Variants in POLH observed in about 807,000 individuals in gnomAD.
The protein encoded by POLH is DNA polymerase eta transcript.
A neutral mutation model predicts 73.6 loss-of-function variants in POLH; 53 were observed. The observed-to-expected ratio is 0.72, with a 90% CI of 0.58 to 0.91. The LOEUF (loss-of-function observed/expected upper bound fraction) is 0.91. POLH is among the 40% of genes least tolerant of loss of function. POLH has a pLI of 0.00. For synonymous variants in POLH, 292 were observed against 308.5 expected, an observed-to-expected ratio of 0.95 and a Z score of 0.56; for missense variants, 768 against 865.4, an observed-to-expected ratio of 0.89 and a Z score of 1.41.
At chr6:43,604,964 TGGAAAGCC>T (rs907026895) in intron 8 of POLH, among the ~76,000 whole-genome samples, 9 of 152,232 alleles carry the variant, frequency 5.9e-5, no homozygotes, top group Admixed American at 4.6e-4. Context: ...GATGGAGACT[TGGAAAGCC>T]TAGGATATTA....
intron 4 of POLH, among the ~76,000 whole-genome samples, chr6:43,596,507 C>T (rs1224608149): frequency 6.6e-6 from 1 of 151,578 alleles, no homozygotes; most frequent in African/African-American, 2.4e-5. Context: ...AAAGAAAAAA[C>T]CTGAATAAAA....
chr6:43,614,084 T>C lies in POLH; in HGVS notation c.1669T>C (p.Trp557Arg). The C allele has an allele frequency of 6.2e-7, 1 of 1,614,186 alleles. No individual in the cohort carries two copies. Among genetic ancestry groups the C allele is most frequent in the Non-Finnish European group, 8.5e-7 (1 of 1,180,018 alleles). ...AGTTTCTTCCCCCCAACAAAACCCA[T>C]GGTCCAACTGTAAAGCATTACCAAA... ...SSVSSPQQNP[W>R]SNCKALPNSL... is the part of the protein sequence containing the mutation. The change falls in exon 11 of 11, where the codon TGG (tryptophan) becomes CGG (arginine). Residue 557 changes from tryptophan (W) to arginine (R), a missense_variant. Transcript: ENST00000372236.
intron 10 of POLH, among the ~76,000 whole-genome samples, chr6:43,611,713 G>T (rs1767897827): frequency 6.6e-6 from 1 of 151,928 alleles, no homozygotes; most frequent in Non-Finnish European, 1.5e-5. Flanking sequence ...TAAATATATT[G>T]GCAGTATAAT....
chr6:43,588,165 A>G (rs1201119334), intron 4 of POLH: 1 of 159,388 alleles, frequency 6.3e-6, no homozygotes, highest in Non-Finnish European at 1.4e-5. Flanking sequence ...GGCCTCAGGT[A>G]TAGGGAGTTG....
chr6:43,576,890 T>A (rs950210091), intron 1 of POLH, among the ~76,000 whole-genome samples: 2 of 152,208 alleles, frequency 1.3e-5, no homozygotes, highest in Non-Finnish European at 2.9e-5. Flanking sequence ...GCGCGGTGGC[T>A]CACGCCTGTA....
At chr6:43,608,829 T>C (rs1271603809) in intron 9 of POLH, among the ~76,000 whole-genome samples, 1 of 152,228 alleles carries the variant, frequency 6.6e-6, no homozygotes, top group African/African-American at 2.4e-5. Context: ...GTGGTTTCCC[T>C]TCACACTTAA....
chr6:43,591,621 ATT>A (rs371822062), intron 4 of POLH, among the ~76,000 whole-genome samples: 54 of 143,608 alleles, frequency 3.8e-4, no homozygotes, highest in East Asian at 1.9e-3. Context: ...ACCCAGCCTG[ATT>A]TTTTTTTTTT....
intron 5 of POLH, among the ~76,000 whole-genome samples, chr6:43,599,082 G>A (rs1444210001): frequency 3.5e-5 from 5 of 143,944 alleles, no homozygotes; most frequent in African/African-American, 1.0e-4. Context: ...TCCGCCTCCC[G>A]GGTTCAGGTG....
intron 10 of POLH, among the ~76,000 whole-genome samples, chr6:43,612,346 CTTTTT>C (rs112706817): frequency 7.3e-6 from 1 of 137,422 alleles, no homozygotes; most frequent in East Asian, 2.1e-4. Flanking sequence ...TATTGGGATA[CTTTTT>C]TTTTTTTTTT....
chr6:43,587,981 C>T (rs151281632), intron 4 of POLH, among the ~76,000 whole-genome samples: 72 of 149,666 alleles, frequency 4.8e-4, no homozygotes, highest in Middle Eastern at 3.5e-3. Flanking sequence ...TGAGGTGAGC[C>T]GAGATCTCGC....
rs1201817960 is a variant in POLH, at chr6:43,580,945, C to T, written c.-4-1371C>T. On this transcript the variant is annotated intron_variant, in intron 1 of 10. Transcript: ENST00000372236. ...CACGGCTGGCCAGGCGGGGGGCTGA[C>T]CCCCCCACCTCCCTCCCGGATGGGG... Among the ~76,000 whole-genome samples the T allele has an allele frequency of 7.0e-3, 949 of 135,130 alleles. 5 individuals are homozygous for T. In the East Asian group the frequency reaches 0.15, roughly 22 times the overall value. The allele number at this position is 135,130 out of a possible 152,430, so 88.7% of individuals were successfully genotyped here.
chr6:43,613,552 A>G (rs1210024850), intron 10 of POLH, 108 bp from the exon 11 acceptor site: 3 of 940,088 alleles, frequency 3.2e-6, no homozygotes, highest in Non-Finnish European at 5.0e-6. Context: ...TATGGATTAA[A>G]TCTGTCCTAT....
rs2127799986 is a variant in POLH, at chr6:43,601,053, A to G, written c.726A>G (p.Ser242=). 2 of 1,614,046 alleles carry G rather than the reference A, an allele frequency of 1.2e-6. No homozygotes were observed. Among genetic ancestry groups the G allele is most frequent in the African/African-American group, 1.3e-5 (1 of 75,046 alleles). Residue 242 remains serine, a synonymous_variant, in exon 6 of 11, where the codon TCA becomes TCG. Transcript: ENST00000372236. ...GCCAAACCCTGGTTTCACATGGGTC[A>G]GTCCCACAGCTCTTCAGCCAAATGC... The part of the protein sequence containing the change: ...PNRQTLVSHG[S]VPQLFSQMPI...
intron 10 of POLH, among the ~76,000 whole-genome samples, chr6:43,611,681 A>G (rs1054391837): frequency 6.6e-6 from 1 of 152,200 alleles, no homozygotes; most frequent in African/African-American, 2.4e-5. Flanking sequence ...ATCAAAGTTT[A>G]GTTAATCGCT....
rs899419982 is a variant in POLH, at chr6:43,618,833, G to A, written c.*4276G>A. On this transcript the variant is annotated 3_prime_UTR_variant, in exon 11 of 11. Coordinates refer to ENST00000372236, the MANE Select transcript of POLH (RefSeq NM_006502.3). ...TTTAGTAGAGATGGGGTTTCGCCAC[G>A]TTGGCCAGGCTGGTCTTGAACTCTT... Among the ~76,000 whole-genome samples, 4 of 151,702 alleles carry A rather than the reference G, an allele frequency of 2.6e-5. No homozygotes were observed. The highest frequency in any genetic ancestry group is 9.7e-5 in the African/African-American group (4 of 41,292).
Position 43,616,826 on chromosome 6 carries a change from C to T in POLH, c.*2269C>T, listed in dbSNP as rs140288120. Among the ~76,000 whole-genome samples, 373 of 152,282 alleles carry T rather than the reference C, an allele frequency of 2.4e-3. 1 individual carries two copies. Among genetic ancestry groups the T allele is most frequent in the Non-Finnish European group, 3.0e-3 (202 of 68,034 alleles). ...GTTCTAACCATTGGCCTATCTCTTG[C>T]GTTTTGTTCTAATGTAGAATTAGAT... is the stretch of plus-strand genomic sequence containing the variant. On this transcript the variant is annotated 3_prime_UTR_variant, in exon 11 of 11. Coordinates refer to ENST00000372236, the MANE Select transcript of POLH (RefSeq NM_006502.3).
intron 9 of POLH, among the ~76,000 whole-genome samples, chr6:43,609,369 C>T (rs1362780953): frequency 1.3e-5 from 2 of 152,096 alleles, no homozygotes; most frequent in Non-Finnish European, 2.9e-5. Flanking sequence ...ATTTGTATTC[C>T]CTCAAGATAT....
At chr6:43,607,295 A>G (rs1343950670) in intron 9 of POLH, among the ~76,000 whole-genome samples, 1 of 152,088 alleles carries the variant, frequency 6.6e-6, no homozygotes, top group African/African-American at 2.4e-5. Context: ...GGGTTTCACC[A>G]TGTTGGCCAG....
rs111336078 is a variant in POLH at position 43,582,025 on chromosome 6, T to C, written c.-4-291T>C. Reference sequence around the variant, plus strand: ...GCACCAACACAGCATTCAAAGGAAATGTTTATTAGAGCATTGTAGGTTTAG... The same window carrying C: ...GCACCAACACAGCATTCAAAGGAAACGTTTATTAGAGCATTGTAGGTTTAG... On this transcript the variant is annotated intron_variant, in intron 1 of 10. Coordinates refer to ENST00000372236, the MANE Select transcript of POLH (RefSeq NM_006502.3). Among the ~76,000 whole-genome samples the C allele has an allele frequency of 3.7e-4, 57 of 152,290 alleles. 1 individual carries two copies. The highest frequency in any genetic ancestry group is 3.4e-3 in the Middle Eastern group (1 of 294).
Sources: gnomAD v4.1 joint callset for allele counts (sites outside exome capture counted in the v4.1 genomes callset) on GRCh38, gnomAD v4.1.1 for gene constraint, MANE v1.5 for transcripts, NCBI Gene and HGNC (gene_info 2026-07-23, HGNC 2026-07-21) for gene names.